PRELID2: variants seen among roughly 807,000 people sequenced by gnomAD.
PRELID2 encodes PRELI domain-containing protein 2.
PRELID2 carries 25 observed loss-of-function variants against 28.4 expected under a neutral mutation model. The observed-to-expected ratio is 0.88, with a 90% CI of 0.64 to 1.23. PRELID2 has a LOEUF of 1.23. Ranked by LOEUF, PRELID2 falls within the 50% of genes most tolerant of loss-of-function variation. PRELID2 has a pLI of 0.00. For missense variants in PRELID2, 201 were observed against 214.4 expected, an observed-to-expected ratio of 0.94 and a Z score of 0.39; for synonymous variants, 76 against 71.6, an observed-to-expected ratio of 1.06 and a Z score of -0.31.
chr5:145,294,508 T>C, the PRELID2 span, among the ~76,000 whole-genome samples: 2 of 152,180 alleles, frequency 1.3e-5, no homozygotes, highest in African/African-American at 2.4e-5. Flanking sequence ...ATTCCATTGC[T>C]AACCCTGTAT....
the PRELID2 span, among the ~76,000 whole-genome samples, chr5:145,285,226 T>C: frequency 6.6e-6 from 1 of 152,146 alleles, no homozygotes; most frequent in Non-Finnish European, 1.5e-5. Flanking sequence ...ATTTAGAAGA[T>C]GGCATTACTA....
chr5:145,465,062 T>C, the PRELID2 span, among the ~76,000 whole-genome samples: 1 of 152,188 alleles, frequency 6.6e-6, no homozygotes, highest in South Asian at 2.1e-4. Context: ...AATATGTCAC[T>C]GTATGTGCTT....
intron 2 of PRELID2, 48 bp downstream of exon 2, chr5:145,823,029 C>A: frequency 9.8e-7 from 1 of 1,024,944 alleles, no homozygotes; most frequent in South Asian, 1.3e-5. Flanking sequence ...TTACAAAAAT[C>A]ACTATCATTT....
intron 1 of PRELID2, among the ~76,000 whole-genome samples, chr5:145,715,581 T>C (rs142468439): frequency 2.0e-5 from 3 of 152,286 alleles, no homozygotes; most frequent in African/African-American, 7.2e-5. Flanking sequence ...CACCCCAGCT[T>C]ACAACCACCC....
chr5:145,564,787 C>G (rs888722071), intron 1 of PRELID2, among the ~76,000 whole-genome samples: 3 of 152,202 alleles, frequency 2.0e-5, no homozygotes, highest in African/African-American at 7.2e-5. Flanking sequence ...CCTTTCCTAA[C>G]TTGAGCTCAC....
chr5:145,660,427 CT>C (rs1254736255), intron 1 of PRELID2, among the ~76,000 whole-genome samples: 1 of 152,146 alleles, frequency 6.6e-6, no homozygotes, highest in Non-Finnish European at 1.5e-5. Context: ...CTCCTGGCTC[CT>C]CCTCCTAACC....
chr5:145,749,409 A>G (rs895284877), intron 1 of PRELID2, among the ~76,000 whole-genome samples: 2 of 152,238 alleles, frequency 1.3e-5, no homozygotes, highest in African/African-American at 4.8e-5. Flanking sequence ...CAAAACCACA[A>G]TGAGATACCA....
intron 5 of PRELID2, among the ~76,000 whole-genome samples, chr5:145,791,424 A>C (rs562286896): frequency 2.0e-4 from 31 of 152,332 alleles, no homozygotes; most frequent in African/African-American, 7.2e-4. Flanking sequence ...ACATGCTACA[A>C]TGCAGATGAA....
the PRELID2 span, among the ~76,000 whole-genome samples, chr5:145,393,044 C>A: frequency 1.3e-5 from 2 of 152,216 alleles, no homozygotes; most frequent in Non-Finnish European, 2.9e-5. Context: ...ACCCAAACTT[C>A]TCACCAAGAG....
At chr5:145,721,418 G>T (rs145609730) in intron 1 of PRELID2, among the ~76,000 whole-genome samples, 1 of 151,878 alleles carries the variant, frequency 6.6e-6, no homozygotes, top group Non-Finnish European at 1.5e-5. Context: ...AGCAGACAAG[G>T]GAATTTTTAA....
chr5:145,414,552 GTCT>G, the PRELID2 span, among the ~76,000 whole-genome samples: 1 of 152,110 alleles, frequency 6.6e-6, no homozygotes, highest in South Asian at 2.1e-4. Context: ...AAGTAAAATT[GTCT>G]TCTTATTTCC....
intron 4 of PRELID2, among the ~76,000 whole-genome samples, chr5:145,798,883 G>C (rs560158978): frequency 2.6e-4 from 40 of 152,234 alleles, no homozygotes; most frequent in Admixed American, 1.2e-3. Context: ...GTGGGTGGGG[G>C]CCTAGGGGAG....
chr5:145,230,039 G>A, the PRELID2 span: 9 of 702,940 alleles, frequency 1.3e-5, no homozygotes, highest in Admixed American at 1.6e-4. Flanking sequence ...TCCAGAGTAA[G>A]TTCACTGCCA....
the PRELID2 span, among the ~76,000 whole-genome samples, chr5:145,405,435 G>A: frequency 9.2e-5 from 14 of 152,130 alleles, no homozygotes; most frequent in Admixed American, 3.3e-4. Flanking sequence ...TTGGCTCATC[G>A]TTCTGCAGGC....
chr5:145,495,006 T>G (rs1004529142), intron 1 of PRELID2, among the ~76,000 whole-genome samples: 6 of 152,194 alleles, frequency 3.9e-5, no homozygotes, highest in Non-Finnish European at 7.3e-5. Context: ...GTAAGCTGTT[T>G]GCATTTTTTA....
the PRELID2 span, among the ~76,000 whole-genome samples, chr5:145,319,147 G>A: frequency 2.6e-5 from 4 of 152,106 alleles, no homozygotes; most frequent in Non-Finnish European, 5.9e-5. Flanking sequence ...CAACATTTGG[G>A]TGTGAAAAAA....
the PRELID2 span, among the ~76,000 whole-genome samples, chr5:145,255,594 G>A: frequency 1.3e-5 from 2 of 151,654 alleles, no homozygotes; most frequent in African/African-American, 4.8e-5. Context: ...GCAACATAGT[G>A]AGAACTTGTC....
At chr5:145,752,423 C>T (rs7734685), downstream of PRELID2, among the ~76,000 whole-genome samples, 120,253 of 152,086 alleles carry the variant, frequency 0.79, 48,335 homozygotes, top group East Asian at 0.88. Context: ...GCCACCAATG[C>T]GACTCCAAGA....
the PRELID2 span, among the ~76,000 whole-genome samples, chr5:145,455,966 C>G: frequency 6.7e-6 from 1 of 148,552 alleles, no homozygotes; most frequent in Non-Finnish European, 1.5e-5. Context: ...GAGCTGCAGA[C>G]TGGAGCCGCT....
Sources: gnomAD v4.1 joint callset for allele counts (sites outside exome capture counted in the v4.1 genomes callset) on GRCh38, gnomAD v4.1.1 for gene constraint, MANE v1.5 for transcripts, NCBI Gene and HGNC (gene_info 2026-07-23, HGNC 2026-07-21) for gene names.